Variants in RPS6KA1 observed in about 807,000 individuals in gnomAD.
The protein encoded by RPS6KA1 is ribosomal protein S6 kinase alpha-1.
A neutral mutation model predicts 91.3 loss-of-function variants in RPS6KA1; 48 were observed. The ratio of observed to expected loss-of-function variants is 0.53; its 90% CI spans 0.42 to 0.67. The LOEUF is 0.67. Among genes scored for constraint, RPS6KA1 ranks in the 30% least tolerant of loss-of-function variants. The pLI is 0.00. For synonymous variants in RPS6KA1, 359 were observed against 384.7 expected, an observed-to-expected ratio of 0.93 and a Z score of 0.78; for missense variants, 719 against 960.5, an observed-to-expected ratio of 0.75 and a Z score of 3.32.
In RPS6KA1 at chr1:26,529,947, C is replaced by A; in HGVS notation, c.27C>A (p.Pro9=). The change falls in exon 1 of 22, where the codon CCC becomes CCA. Residue 9 remains proline (P), a synonymous_variant. Transcript: ENST00000374168. The surrounding 1 kb of genome is among the most constrained non-coding windows in gnomAD (Gnocchi z 4.2). MPLAQLKE[P]WPLMELVPLD... The stretch of plus-strand genomic sequence containing the variant: ...TGCCGCTCGCCCAGCTCAAGGAGCC[C>A]TGGCCGCTCATGGAGCTAGTGCCTC... 1 of 1,434,080 alleles carries A rather than the reference C, an allele frequency of 7.0e-7. No individual in the cohort carries two copies. Among genetic ancestry groups the A allele is most frequent in the South Asian group, 1.3e-5 (1 of 75,770 alleles). 88.8% of individuals were successfully genotyped at this position (1,434,080 alleles called of 1,614,324 possible). A position where few individuals can be genotyped will look rare whatever the true frequency, so the allele number is the denominator to read the frequency against.
At chr1:26,542,126 C>G (rs961517755) in intron 2 of RPS6KA1, among the ~76,000 whole-genome samples, 2 of 152,200 alleles carry the variant, frequency 1.3e-5, no homozygotes, top group Non-Finnish European at 2.9e-5. Flanking sequence ...TGGACTAGGC[C>G]CCTTGGTTTA....
At chr1:26,568,585 T>C (rs1198315744) in intron 17 of RPS6KA1, among the ~76,000 whole-genome samples, 2 of 151,718 alleles carry the variant, frequency 1.3e-5, no homozygotes, top group Non-Finnish European at 2.9e-5. Context: ...CCCATCTCTA[T>C]TAAAAATACA....
chr1:26,529,818 G>A lies in RPS6KA1; in HGVS notation c.-103G>A, dbSNP rs2075854329. 4 of 858,162 alleles carry A rather than the reference G, an allele frequency of 4.7e-6. No individual in the cohort carries two copies. The highest frequency in any genetic ancestry group is 6.1e-6 in the Non-Finnish European group (4 of 659,978). 53.2% of individuals were successfully genotyped at this position (858,162 alleles called of 1,614,324 possible). A position where few individuals can be genotyped will look rare whatever the true frequency, so the allele number is the denominator to read the frequency against. ...GGCCCAGCCGGAGCGCGAGGGGCTC[G>A]GGGGGGCGCGGCGGTTCGGGTCGCA... On this transcript the variant is annotated 5_prime_UTR_variant, in exon 1 of 22. Coordinates refer to ENST00000374168, the MANE Select transcript of RPS6KA1 (RefSeq NM_002953.4). This position sits in a 1 kb window ranked among gnomAD's most constrained non-coding sequence, Gnocchi z 4.2.
chr1:26,537,005 G>T lies in RPS6KA1; in HGVS notation c.108+36G>T, dbSNP rs1021524027. On this transcript the variant is annotated intron_variant, in intron 2 of 21. Transcript: ENST00000374168. ...TGGCCAGCACCCTGAGCGAGGGGCTGTGGGGGATCCTGTTTGCATGGCTTT... is the reference window on the plus strand; with the variant it reads ...TGGCCAGCACCCTGAGCGAGGGGCTTTGGGGGATCCTGTTTGCATGGCTTT... 2.5e-6 allele frequency: 4 copies of T among 1,611,708 alleles called. No individual in the cohort carries two copies. The African/African-American group carries it at 4.0e-5, about 16-fold the overall frequency.
In RPS6KA1 at chr1:26,555,969, C is replaced by A; in HGVS notation, c.916+344C>A. ...CCAATCCCGGCTCTGTGTCAGGTCC[C>A]CACTGCCTGGCACAAAACAGTCCCT... On this transcript the variant is annotated intron_variant, in intron 11 of 21. Transcript: ENST00000374168. The surrounding 1 kb of genome is among the most constrained non-coding windows in gnomAD (Gnocchi z 4.3). The A allele has an allele frequency of 2.6e-6, 1 of 391,962 alleles. No homozygotes were observed. The highest frequency in any genetic ancestry group is 4.8e-6 in the Non-Finnish European group (1 of 210,472). The allele number at this position is 391,962 out of a possible 1,614,324, so 24.3% of individuals were successfully genotyped here.
intron 1 of RPS6KA1, 138 bp from the exon 2 acceptor site, chr1:26,536,787 C>G (rs774870144): frequency 3.9e-5 from 34 of 878,074 alleles, no homozygotes; most frequent in Non-Finnish European, 6.1e-5. Context: ...GGTGGAGGGA[C>G]CCACCCAGGA....
rs1236307090 is a variant in RPS6KA1 at position 26,558,677 on chromosome 1, C to T, written c.1085-130C>T. ...GGGCCAAGGCCTGTGATGGACAGGCCCTCTGCAGGCTCCCGCCACGGCCAG... is the reference window on the plus strand; with the variant it reads ...GGGCCAAGGCCTGTGATGGACAGGCTCTCTGCAGGCTCCCGCCACGGCCAG... On this transcript the variant is annotated intron_variant, in intron 13 of 21. Coordinates refer to ENST00000374168, the MANE Select transcript of RPS6KA1 (RefSeq NM_002953.4). The surrounding 1 kb of genome is among the most constrained non-coding windows in gnomAD (Gnocchi z 4.0). 22 of 1,050,360 alleles carry T rather than the reference C, an allele frequency of 2.1e-5. No individual in the cohort carries two copies. Among genetic ancestry groups the T allele is most frequent in the Non-Finnish European group, 3.1e-5 (22 of 710,648 alleles). The allele number at this position is 1,050,360 out of a possible 1,614,324, so 65.1% of individuals were successfully genotyped here.
At chr1:26,545,014 C>G (rs2075980072) in intron 2 of RPS6KA1, among the ~76,000 whole-genome samples, 1 of 152,010 alleles carries the variant, frequency 6.6e-6, no homozygotes, top group Non-Finnish European at 1.5e-5. Flanking sequence ...GAGTCCCCTC[C>G]TGCTTCCCCT....
chr1:26,559,153 G>T (rs2076132065), intron 14 of RPS6KA1, among the ~76,000 whole-genome samples: 1 of 152,194 alleles, frequency 6.6e-6, no homozygotes, highest in Admixed American at 6.5e-5. Flanking sequence ...CAGAGCCAGG[G>T]TCTGGGTACA....
intron 2 of RPS6KA1, chr1:26,543,049 G>A (rs566382154): frequency 8.7e-7 from 1 of 1,153,338 alleles, no homozygotes; most frequent in South Asian, 1.4e-5. Flanking sequence ...CCCTGCAGAG[G>A]GGGAAGTGAG....
At chr1:26,544,754 G>A (rs1319189219) in intron 2 of RPS6KA1, among the ~76,000 whole-genome samples, 3 of 149,112 alleles carry the variant, frequency 2.0e-5, no homozygotes, top group African/African-American at 2.5e-5. Context: ...GATTACAGGC[G>A]TGAGCCACCA....
chr1:26,550,180 A>ATTT (rs749615792), intron 4 of RPS6KA1, among the ~76,000 whole-genome samples: 11 of 106,260 alleles, frequency 1.0e-4, no homozygotes, highest in East Asian at 2.9e-4. Context: ...CGCCTGGCCA[A>ATTT]TTTTTTTTTT....
chr1:26,533,807 A>G (rs990775173), intron 1 of RPS6KA1, among the ~76,000 whole-genome samples: 7 of 152,234 alleles, frequency 4.6e-5, no homozygotes, highest in Non-Finnish European at 1.5e-5. Context: ...GTGGCTGCAC[A>G]GCTGTGTTCT....
intron 20 of RPS6KA1, 42 bp downstream of exon 20, chr1:26,572,335 G>T: frequency 7.3e-7 from 1 of 1,376,730 alleles, no homozygotes. Flanking sequence ...GGAGGAGGGA[G>T]GCAGGGTCCC....
rs551091711 is a variant in RPS6KA1, at chr1:26,568,706, C to T, written c.1591-2743C>T. Reference sequence around the variant, plus strand: ...CAGAGGTTGCACTGAGCCGAGATCACGCCATTGCACTCCAGCCTGGGCAAC... The same window carrying T: ...CAGAGGTTGCACTGAGCCGAGATCATGCCATTGCACTCCAGCCTGGGCAAC... On this transcript the variant is annotated intron_variant, in intron 17 of 21. Transcript: ENST00000374168. Among the ~76,000 whole-genome samples, 20 of 152,022 alleles carry T rather than the reference C, an allele frequency of 1.3e-4. No individual in the cohort carries two copies. In the East Asian group the frequency reaches 1.4e-3, roughly 10 times the overall value.
At chr1:26,570,775 T>C (rs1270664844) in intron 17 of RPS6KA1, among the ~76,000 whole-genome samples, 1 of 152,174 alleles carries the variant, frequency 6.6e-6, no homozygotes, top group East Asian at 1.9e-4. Context: ...TTATGTTAAG[T>C]AGTGGGAAGT....
intron 13 of RPS6KA1, 123 bp downstream of exon 13, chr1:26,557,223 G>A: frequency 1.4e-6 from 1 of 713,232 alleles, no homozygotes; most frequent in East Asian, 2.7e-5. Flanking sequence ...GGGTGGGCAG[G>A]CGGGTGAGTT....
chr1:26,544,033 G>T (rs148747267), intron 2 of RPS6KA1: 5 of 455,188 alleles, frequency 1.1e-5, no homozygotes, highest in Admixed American at 9.4e-5. Context: ...TGAGTGGTGG[G>T]AGTTTGCAGA....
rs1258918159 is a variant in RPS6KA1 at position 26,574,120 on chromosome 1, G to A, written c.2127G>A (p.Lys709=). The change falls in exon 22 of 22, where the codon AAG becomes AAA. Residue 709 remains lysine (K), a synonymous_variant. Transcript: ENST00000374168. The surrounding 1 kb of genome is among the most constrained non-coding windows in gnomAD (Gnocchi z 4.3). ...CGTACTCCGCACTCAACAGCTCCAAGCCCACCCCCCAGCTGAAGCCCATCG... is the reference window on the plus strand; with the variant it reads ...CGTACTCCGCACTCAACAGCTCCAAACCCACCCCCCAGCTGAAGCCCATCG... ...AATYSALNSS[K]PTPQLKPIES... The A allele has an allele frequency of 6.2e-7, 1 of 1,614,080 alleles. No homozygotes were observed. The highest frequency in any genetic ancestry group is 1.1e-5 in the South Asian group (1 of 91,080).
Sources: allele counts gnomAD v4.1 joint callset (sites outside exome capture counted in the v4.1 genomes callset), GRCh38; gene constraint gnomAD v4.1.1; non-coding constraint Gnocchi (gnomAD v3.1); transcripts MANE v1.5; gene names NCBI Gene and HGNC (gene_info 2026-07-23, HGNC 2026-07-21).